ANKH: variants seen among roughly 807,000 people sequenced by gnomAD.
The protein encoded by ANKH is ANKH inorganic pyrophosphate transport regulator, also known as mineralization regulator ANKH.
A neutral mutation model predicts 49.0 loss-of-function variants in ANKH; 15 were observed. The observed-to-expected ratio is 0.31, with a 90% CI of 0.20 to 0.47. The LOEUF (loss-of-function observed/expected upper bound fraction) is 0.47, where lower values mean the gene tolerates loss of function less well. Among genes scored for constraint, ANKH ranks in the 20% least tolerant of loss-of-function variants. The pLI is 1.00. For synonymous variants in ANKH, 273 were observed against 260.0 expected (o/e 1.05, Z -0.48); for missense variants, 429 against 652.0 (o/e 0.66, Z 3.72).
intron 8 of ANKH, among the ~76,000 whole-genome samples, chr5:14,738,669 C>T (rs1738259960): frequency 1.3e-5 from 2 of 152,004 alleles, no homozygotes; most frequent in South Asian, 4.1e-4. Context: ...TGGCTCATGC[C>T]TCTAATCCCA....
intron 1 of ANKH, among the ~76,000 whole-genome samples, chr5:14,772,133 T>C (rs1484416452): frequency 6.6e-6 from 1 of 152,124 alleles, no homozygotes; most frequent in Non-Finnish European, 1.5e-5. Context: ...ATCTAGGCTG[T>C]GGTCCCTACA....
Position 14,762,145 on chromosome 5 carries a change from A to T in ANKH, c.314-3547T>A, listed in dbSNP as rs1016275792. Reference sequence around the variant, plus strand: ...GCCACTGGGAAGTGTGTCCCAGGTGACAATCCTCAATCCTGGCCCAAATAA... The same window carrying T: ...GCCACTGGGAAGTGTGTCCCAGGTGTCAATCCTCAATCCTGGCCCAAATAA... On this transcript the variant is annotated intron_variant, in intron 2 of 11. Coordinates refer to ENST00000284268, the MANE Select transcript of ANKH (RefSeq NM_054027.6). Among the ~76,000 whole-genome samples, 6 of 152,332 alleles carry T rather than the reference A, an allele frequency of 3.9e-5. No individual in the cohort carries two copies. The East Asian group carries it at 1.2e-3, about 29-fold the overall frequency.
At chr5:14,851,304 C>G (rs1742115578) in intron 1 of ANKH, among the ~76,000 whole-genome samples, 1 of 152,212 alleles carries the variant, frequency 6.6e-6, no homozygotes, top group South Asian at 2.1e-4. Context: ...TGGACTCCGC[C>G]TTCCTCTGTG....
At position 14,850,970 on chromosome 5, in the gene ANKH, G is replaced by A. The variant is rs534105678; in HGVS notation, c.96+20382C>T. On this transcript the variant is annotated intron_variant, in intron 1 of 11. Transcript: ENST00000284268. ...TCCCATTAGTTTAGGAGAGGGCAGT[G>A]GGGGCAGGCAAAGGCGTGGTGATGT... Among the ~76,000 whole-genome samples, 72 of 152,194 alleles carry A rather than the reference G, an allele frequency of 4.7e-4. 1 individual carries two copies. Among genetic ancestry groups the A allele is most frequent in the African/African-American group, 1.2e-3 (49 of 41,518 alleles).
rs1737075694 is a variant in ANKH at position 14,709,490 on chromosome 5, C to T, written c.*1707G>A. ...TGGGTACCCAGGAATGTGAATGCAA[C>T]CCTGGCATGTTCACAGCTAACATTA... On this transcript the variant is annotated 3_prime_UTR_variant, in exon 12 of 12. Transcript: ENST00000284268. 1 of 152,212 alleles carries T rather than the reference C, an allele frequency of 6.6e-6. No homozygotes were observed. Among genetic ancestry groups the T allele is most frequent in the African/African-American group, 2.4e-5 (1 of 41,448 alleles). 9.4% of individuals were successfully genotyped at this position (152,212 alleles called of 1,614,324 possible).
intron 1 of ANKH, among the ~76,000 whole-genome samples, chr5:14,807,874 A>G (rs2126568807): frequency 6.6e-6 from 1 of 152,334 alleles, no homozygotes; most frequent in South Asian, 2.1e-4. Context: ...GAATCCATTC[A>G]TTTAAGATCA....
At chr5:14,769,624 GGTGT>G (rs35815515) in intron 1 of ANKH, among the ~76,000 whole-genome samples, 7 of 150,598 alleles carry the variant, frequency 4.6e-5, no homozygotes, top group East Asian at 2.0e-4. Context: ...AAGAAGGGGT[GGTGT>G]GTGTGTGTGT....
At chr5:14,858,715 CAATAAATA>C (rs141592621) in intron 1 of ANKH, among the ~76,000 whole-genome samples, 5,907 of 139,686 alleles carry the variant, frequency 0.042, 153 homozygotes, top group Admixed American at 0.073. Flanking sequence ...GAATCCATCT[CAATAAATA>C]AATAAATAAA....
chr5:14,781,556 T>A (rs755271526), intron 1 of ANKH, among the ~76,000 whole-genome samples: 5 of 152,148 alleles, frequency 3.3e-5, no homozygotes, highest in Non-Finnish European at 7.4e-5. Context: ...CAAAAAGCAT[T>A]TTCCTGTATG....
At chr5:14,732,747 C>G (rs1453984927) in intron 8 of ANKH, among the ~76,000 whole-genome samples, 2 of 152,074 alleles carry the variant, frequency 1.3e-5, no homozygotes, top group East Asian at 3.9e-4. Context: ...CTGAAGATGG[C>G]AGTTTTGAGT....
At position 14,713,008 on chromosome 5, in the gene ANKH, A is replaced by G. The variant is rs772944180; in HGVS notation, c.1266-35T>C. On this transcript the variant is annotated intron_variant, in intron 10 of 11. Transcript: ENST00000284268. The surrounding 1 kb of genome is among the most constrained non-coding windows in gnomAD (Gnocchi z 4.4). ...AGAACACAAAGGCAATTTGTCTGTTAAGGCCAAGTCAAGGCACAACCGTCG... is the reference window on the plus strand; with the variant it reads ...AGAACACAAAGGCAATTTGTCTGTTGAGGCCAAGTCAAGGCACAACCGTCG... 2 of 1,590,862 alleles carry G rather than the reference A, an allele frequency of 1.3e-6. No homozygotes were observed. Among genetic ancestry groups the G allele is most frequent in the East Asian group, 2.3e-5 (1 of 44,338 alleles).
intron 2 of ANKH, among the ~76,000 whole-genome samples, chr5:14,761,168 G>A (rs1345820536): frequency 6.6e-6 from 1 of 152,154 alleles, no homozygotes; most frequent in East Asian, 1.9e-4. Flanking sequence ...GAGAGGCCTA[G>A]ATGACAGTCT....
intron 1 of ANKH, among the ~76,000 whole-genome samples, chr5:14,775,136 G>A (rs1580057906): frequency 2.0e-5 from 3 of 151,912 alleles, no homozygotes; most frequent in Non-Finnish European, 2.9e-5. Context: ...AGCTCACCCT[G>A]CAGCCTCAAC....
intron 7 of ANKH, 111 bp from the exon 8 acceptor site, chr5:14,742,033 G>T: frequency 1.2e-6 from 1 of 830,878 alleles, no homozygotes; most frequent in Non-Finnish European, 2.0e-6. Flanking sequence ...GTCTGAATTA[G>T]AGGTTTCAAG....
intron 1 of ANKH, among the ~76,000 whole-genome samples, chr5:14,791,930 C>A (rs1740180347): frequency 1.3e-5 from 2 of 152,230 alleles, no homozygotes; most frequent in South Asian, 4.1e-4. Flanking sequence ...ATGGACCACA[C>A]ACAAGAGGTT....
chr5:14,824,794 G>C (rs556201264), intron 1 of ANKH, among the ~76,000 whole-genome samples: 5 of 152,194 alleles, frequency 3.3e-5, no homozygotes, highest in African/African-American at 1.2e-4. Flanking sequence ...GGCCTGTCAG[G>C]GGGCATATCA....
At chr5:14,801,882 A>C (rs574943012) in intron 1 of ANKH, among the ~76,000 whole-genome samples, 3 of 152,344 alleles carry the variant, frequency 2.0e-5, no homozygotes, top group Non-Finnish European at 1.5e-5. Flanking sequence ...TAAACAGAAT[A>C]GAAAAATGCC....
At chr5:14,763,739 A>T (rs1050701275) in intron 2 of ANKH, among the ~76,000 whole-genome samples, 4 of 152,234 alleles carry the variant, frequency 2.6e-5, no homozygotes, top group African/African-American at 9.6e-5. Flanking sequence ...TTGAATTCTC[A>T]GGATCTAGCC....
chr5:14,813,492 AAGG>A (rs1042385574), intron 1 of ANKH, among the ~76,000 whole-genome samples: 2 of 152,188 alleles, frequency 1.3e-5, no homozygotes, highest in Non-Finnish European at 2.9e-5. Context: ...ACAAAAAAAA[AAGG>A]AGGAGAAAAA....
Sources: gnomAD v4.1 joint callset for allele counts (sites outside exome capture counted in the v4.1 genomes callset) on GRCh38, gnomAD v4.1.1 for gene constraint, Gnocchi (gnomAD v3.1) non-coding constraint, MANE v1.5 for transcripts, NCBI Gene and HGNC (gene_info 2026-07-23, HGNC 2026-07-21) for gene names.